GRHL2: variants seen among roughly 807,000 people sequenced by gnomAD.
GRHL2 encodes the protein grainyhead like transcription factor 2.
A neutral mutation model predicts 83.8 loss-of-function variants in GRHL2; 21 were observed. The ratio of observed to expected loss-of-function variants is 0.25; its 90% confidence interval spans 0.18 to 0.36. GRHL2 has a LOEUF of 0.36. Among genes scored for constraint, GRHL2 ranks in the 10% least tolerant of loss-of-function variants. GRHL2 has a pLI of 1.00. For missense variants in GRHL2, 623 were observed against 781.8 expected, an observed-to-expected ratio of 0.80 and a Z score of 2.42; for synonymous variants, 280 against 278.9, an observed-to-expected ratio of 1.00 and a Z score of -0.04.
intron 9 of GRHL2, among the ~76,000 whole-genome samples, chr8:101,621,070 A>G (rs1329865239): frequency 1.3e-5 from 2 of 152,212 alleles, no homozygotes; most frequent in African/African-American, 4.8e-5. Flanking sequence ...CTATATTTGT[A>G]TCACTCTGTG....
intron 7 of GRHL2, among the ~76,000 whole-genome samples, chr8:101,591,794 G>C (rs1812288746): frequency 1.3e-5 from 2 of 152,298 alleles, no homozygotes; most frequent in Middle Eastern, 3.4e-3. Flanking sequence ...GCATGAGCTT[G>C]TAAGTTCTCT....
intron 7 of GRHL2, among the ~76,000 whole-genome samples, chr8:101,598,127 G>A (rs923507046): frequency 6.6e-6 from 1 of 151,602 alleles, no homozygotes; most frequent in Non-Finnish European, 1.5e-5. Context: ...TTTGTGGGAA[G>A]GATAATAGGA....
intron 4 of GRHL2, among the ~76,000 whole-genome samples, chr8:101,561,696 A>G (rs1275930466): frequency 6.6e-6 from 1 of 152,206 alleles, no homozygotes; most frequent in Non-Finnish European, 1.5e-5. Context: ...GCCATTAGTT[A>G]TTGTACAAAT....
chr8:101,528,693 C>A, intron 1 of GRHL2: 1 of 226,390 alleles, frequency 4.4e-6, no homozygotes, highest in Non-Finnish European at 9.1e-6. Flanking sequence ...AGGCTCTTTT[C>A]CTATTCTTTG....
chr8:101,609,521 A>G (rs1166314802), intron 8 of GRHL2, among the ~76,000 whole-genome samples: 1 of 151,070 alleles, frequency 6.6e-6, no homozygotes, highest in Non-Finnish European at 1.5e-5. Flanking sequence ...TCAGAAGTAA[A>G]TTTATACACG....
intron 12 of GRHL2, among the ~76,000 whole-genome samples, chr8:101,637,421 T>G (rs1182334003): frequency 1.3e-5 from 2 of 152,208 alleles, no homozygotes. Flanking sequence ...GAGGCTGGTT[T>G]GAATACCAGT....
In GRHL2 at chr8:101,574,888, C is replaced by T. The variant is rs145301931; in HGVS notation, c.891+1064C>T. Among the ~76,000 whole-genome samples, 75 of 152,356 alleles carry T rather than the reference C, an allele frequency of 4.9e-4. 1 individual carries two copies. In the East Asian group the frequency reaches 0.01, roughly 21 times the overall value. On this transcript the variant is annotated intron_variant, in intron 6 of 15. Transcript: ENST00000646743. ...CCATCTGTCTAGTAACTCACTGAAA[C>T]TGACAACAATCCTATGAAAAAGGCA...
At chr8:101,525,652 G>A (rs949362427) in intron 1 of GRHL2, among the ~76,000 whole-genome samples, 2 of 149,422 alleles carry the variant, frequency 1.3e-5, no homozygotes, top group East Asian at 2.1e-4. Flanking sequence ...CACCACACCC[G>A]GCTTGAAATA....
intron 14 of GRHL2, among the ~76,000 whole-genome samples, chr8:101,663,141 A>G (rs1346462103): frequency 6.6e-6 from 1 of 152,162 alleles, no homozygotes; most frequent in Non-Finnish European, 1.5e-5. Context: ...TGATTACTAG[A>G]TATGGAATAT....
chr8:101,595,935 A>G (rs2130302585), intron 7 of GRHL2, among the ~76,000 whole-genome samples: 1 of 152,198 alleles, frequency 6.6e-6, no homozygotes, highest in South Asian at 2.1e-4. Flanking sequence ...CCTGGCTAAC[A>G]CAGTGAAACC....
intron 9 of GRHL2, among the ~76,000 whole-genome samples, chr8:101,622,294 A>C (rs950661848): frequency 2.0e-5 from 3 of 152,236 alleles, no homozygotes; most frequent in African/African-American, 7.2e-5. Context: ...TGAAGTATAA[A>C]GACTGCAGGC....
intron 5 of GRHL2, among the ~76,000 whole-genome samples, chr8:101,570,865 C>G (rs1251064797): frequency 6.6e-6 from 1 of 152,228 alleles, no homozygotes; most frequent in East Asian, 1.9e-4. Context: ...GCTGAATTGT[C>G]TGTTCCACCT....
At chr8:101,638,178 G>A (rs1341866424) in intron 12 of GRHL2, among the ~76,000 whole-genome samples, 1 of 150,274 alleles carries the variant, frequency 6.7e-6, no homozygotes, top group African/African-American at 2.5e-5. Flanking sequence ...AGTCAAACCA[G>A]GGCTTCCCTA....
At chr8:101,575,262 T>G (rs942816171) in intron 6 of GRHL2, among the ~76,000 whole-genome samples, 6 of 152,124 alleles carry the variant, frequency 3.9e-5, no homozygotes, top group African/African-American at 1.4e-4. Context: ...ATATACACCC[T>G]CTTAACATCA....
intron 13 of GRHL2, among the ~76,000 whole-genome samples, chr8:101,649,192 C>T (rs935397198): frequency 1.3e-5 from 2 of 152,158 alleles, no homozygotes; most frequent in South Asian, 2.1e-4. Flanking sequence ...GCCGGGTTGT[C>T]GGTTTATCTC....
At chr8:101,526,785 T>C (rs1476057802) in intron 1 of GRHL2, among the ~76,000 whole-genome samples, 1 of 152,148 alleles carries the variant, frequency 6.6e-6, no homozygotes, top group African/African-American at 2.4e-5. Context: ...ATTGCTGTAT[T>C]TCGGTATGCA....
chr8:101,622,007 T>C (rs1812976510), intron 9 of GRHL2, among the ~76,000 whole-genome samples: 1 of 152,186 alleles, frequency 6.6e-6, no homozygotes, highest in Non-Finnish European at 1.5e-5. Context: ...AGGAAAACTT[T>C]AAACAGAAAG....
At chr8:101,600,411 C>T (rs16867989) in intron 8 of GRHL2, among the ~76,000 whole-genome samples, 1,573 of 152,322 alleles carry the variant, frequency 0.01, 26 homozygotes, top group African/African-American at 0.036. Flanking sequence ...CTCGGCTACC[C>T]GAGCCCCGTT....
chr8:101,525,162 C>T (rs557085441), intron 1 of GRHL2, among the ~76,000 whole-genome samples: 7 of 152,182 alleles, frequency 4.6e-5, no homozygotes, highest in Non-Finnish European at 7.4e-5. Flanking sequence ...AGGCTGGTCT[C>T]GAACTCCTGA....
Sources: allele counts gnomAD v4.1 joint callset (sites outside exome capture counted in the v4.1 genomes callset), GRCh38; gene constraint gnomAD v4.1.1; transcripts MANE v1.5; gene names NCBI Gene and HGNC (gene_info 2026-07-23, HGNC 2026-07-21).